ARFGEF1: variants seen among roughly 807,000 people sequenced by gnomAD.
ARFGEF1 encodes brefeldin A-inhibited guanine nucleotide-exchange protein 1.
ARFGEF1 carries 42 observed loss-of-function variants against 231.0 expected under a neutral mutation model. The observed-to-expected ratio is 0.18, with a 90% CI of 0.14 to 0.24. The LOEUF is 0.24. ARFGEF1 is among the 10% of genes least tolerant of loss of function. ARFGEF1 has a pLI of 1.00. For missense variants in ARFGEF1, 1,345 were observed against 2,192.0 expected, an observed-to-expected ratio of 0.61 and a Z score of 7.72; for synonymous variants, 710 against 732.3, an observed-to-expected ratio of 0.97 and a Z score of 0.49.
At chr8:67,194,031 T>C (rs774025622), downstream of ARFGEF1, among the ~76,000 whole-genome samples, 7 of 151,994 alleles carry the variant, frequency 4.6e-5, no homozygotes, top group Non-Finnish European at 1.0e-4. Flanking sequence ...TTCCACACCA[T>C]GGACAAAGTC....
chr8:67,227,095 T>C, intron 27 of ARFGEF1, 42 bp downstream of exon 27: 1 of 1,543,742 alleles, frequency 6.5e-7, no homozygotes, highest in Non-Finnish European at 8.8e-7. Context: ...AGGTTGCTTT[T>C]TTTTTTTCCT....
intron 7 of ARFGEF1, among the ~76,000 whole-genome samples, chr8:67,284,047 T>A (rs2128904905): frequency 6.6e-6 from 1 of 152,304 alleles, no homozygotes; most frequent in South Asian, 2.1e-4. Context: ...CACTGCAGCA[T>A]TATTTGTAAC....
At chr8:67,244,785 A>G (rs954189898) in intron 19 of ARFGEF1, among the ~76,000 whole-genome samples, 11 of 150,480 alleles carry the variant, frequency 7.3e-5, no homozygotes. Context: ...AGAGGCAGAG[A>G]AAGAGATAGA....
intron 5 of ARFGEF1, among the ~76,000 whole-genome samples, chr8:67,184,867 A>G (rs1313607621): frequency 6.8e-6 from 1 of 146,866 alleles, no homozygotes; most frequent in East Asian, 2.0e-4. Context: ...TGGGAGGCCG[A>G]GGAGGGCGGA....
At chr8:67,219,108 A>G (rs1839059666) in intron 30 of ARFGEF1, among the ~76,000 whole-genome samples, 1 of 152,158 alleles carries the variant, frequency 6.6e-6, no homozygotes, top group Non-Finnish European at 1.5e-5. Flanking sequence ...CTGGGACTAC[A>G]GGTACCTGCC....
intron 22 of ARFGEF1, 137 bp from the exon 23 acceptor site, chr8:67,233,082 T>C (rs1335240551): frequency 1.4e-6 from 1 of 711,568 alleles, no homozygotes; most frequent in Non-Finnish European, 2.3e-6. Context: ...ATTCTTTTGA[T>C]ATCAGTGACA....
chr8:67,243,682 C>T (rs1041260692), intron 19 of ARFGEF1, among the ~76,000 whole-genome samples: 1 of 152,128 alleles, frequency 6.6e-6, no homozygotes, highest in South Asian at 2.1e-4. Flanking sequence ...ACAATAAACA[C>T]CTAATTACTC....
At chr8:67,316,154 A>G (rs1352637613) in intron 1 of ARFGEF1, among the ~76,000 whole-genome samples, 1 of 152,204 alleles carries the variant, frequency 6.6e-6, no homozygotes, top group Non-Finnish European at 1.5e-5. Flanking sequence ...AATTCTACAT[A>G]CAAAGACCTG....
At chr8:67,217,201 G>T (rs1485867848) in intron 32 of ARFGEF1, among the ~76,000 whole-genome samples, 9 of 151,828 alleles carry the variant, frequency 5.9e-5, no homozygotes, top group African/African-American at 2.2e-4. Flanking sequence ...CTACTTGGGA[G>T]GCTAAGGCAG....
chr8:67,187,304 C>T lies in ARFGEF1; in HGVS notation c.561-11732G>A, dbSNP rs543666859. On this transcript the variant is annotated intron_variant, in intron 5 of 5. Coordinates refer to the ARFGEF1 transcript ENST00000518789. Reference sequence around the variant, plus strand: ...AGAGTTGGAGGACTCTCACAGCTGACTTCAAGAGTTATGATAAAGTTATAA... The same window carrying T: ...AGAGTTGGAGGACTCTCACAGCTGATTTCAAGAGTTATGATAAAGTTATAA... Among the ~76,000 whole-genome samples, 22 of 152,272 alleles carry T rather than the reference C, an allele frequency of 1.4e-4. No individual in the cohort carries two copies. In the South Asian group the frequency reaches 3.1e-3, roughly 22 times the overall value.
intron 19 of ARFGEF1, among the ~76,000 whole-genome samples, chr8:67,241,125 T>G (rs1839914298): frequency 6.6e-6 from 1 of 152,194 alleles, no homozygotes; most frequent in Non-Finnish European, 1.5e-5. Flanking sequence ...TATAAAGCAT[T>G]TAGCATTACT....
intron 7 of ARFGEF1, among the ~76,000 whole-genome samples, chr8:67,278,366 A>G (rs1805397345): frequency 6.6e-6 from 1 of 152,196 alleles, no homozygotes; most frequent in South Asian, 2.1e-4. Flanking sequence ...AACCACCAAA[A>G]CACACATACA....
At chr8:67,219,155 T>C (rs1839061635) in intron 30 of ARFGEF1, among the ~76,000 whole-genome samples, 1 of 152,134 alleles carries the variant, frequency 6.6e-6, no homozygotes, top group South Asian at 2.1e-4. Flanking sequence ...TTAGTAGAGA[T>C]GGGGTTTCAC....
chr8:67,210,341 G>A (rs1476954200), intron 34 of ARFGEF1, among the ~76,000 whole-genome samples: 2 of 149,582 alleles, frequency 1.3e-5, no homozygotes, highest in Admixed American at 6.7e-5. Context: ...TTAGCTGGGC[G>A]TGATGAGGTG....
chr8:67,341,783 C>T (rs937285395), intron 1 of ARFGEF1, among the ~76,000 whole-genome samples: 1 of 152,104 alleles, frequency 6.6e-6, no homozygotes, highest in African/African-American at 2.4e-5. Context: ...TGCCACTAGA[C>T]AACTGTCTTC....
chr8:67,231,349 T>C (rs1391637334), intron 23 of ARFGEF1, among the ~76,000 whole-genome samples: 1 of 152,132 alleles, frequency 6.6e-6, no homozygotes, highest in East Asian at 1.9e-4. Flanking sequence ...ATTGGATTTA[T>C]GTTTTTAGAA....
intron 22 of ARFGEF1, among the ~76,000 whole-genome samples, chr8:67,235,803 T>C (rs1839712265): frequency 6.6e-6 from 1 of 151,590 alleles, no homozygotes; most frequent in Non-Finnish European, 1.5e-5. Flanking sequence ...ACCTTGTCTT[T>C]AAAAAAATAG....
At chr8:67,206,767 A>T (rs958782201) in intron 34 of ARFGEF1, among the ~76,000 whole-genome samples, 2 of 152,232 alleles carry the variant, frequency 1.3e-5, no homozygotes, top group African/African-American at 2.4e-5. Flanking sequence ...CTTTGGCAGG[A>T]AGCTTTCCAG....
intron 2 of ARFGEF1, 69 bp downstream of exon 2, chr8:67,302,367 C>A: frequency 8.0e-7 from 1 of 1,251,578 alleles, no homozygotes; most frequent in Non-Finnish European, 1.1e-6. Context: ...ATACAGATGA[C>A]TATATTATTT....
Sources: gnomAD v4.1 joint callset for allele counts (sites outside exome capture counted in the v4.1 genomes callset) on GRCh38, gnomAD v4.1.1 for gene constraint, MANE v1.5 for transcripts, NCBI Gene and HGNC (gene_info 2026-07-23, HGNC 2026-07-21) for gene names.